CD244: variants seen among roughly 807,000 people sequenced by gnomAD.
The protein encoded by CD244 is natural killer cell receptor 2B4.
In CD244, 20 loss-of-function variants were observed where a neutral mutation model predicts 45.5. That is an observed-to-expected ratio of 0.44 (90% CI 0.31 to 0.64). CD244 has a LOEUF of 0.64. Ranked by LOEUF, CD244 falls within the 30% of genes least tolerant of loss-of-function variation. The pLI is 0.08. For synonymous variants in CD244, 185 were observed against 160.5 expected, an observed-to-expected ratio of 1.15 and a Z score of -1.15; for missense variants, 407 against 426.9, an observed-to-expected ratio of 0.95 and a Z score of 0.41.
chr1:160,851,036 G>A (rs1222022188), intron 1 of CD244, among the ~76,000 whole-genome samples: 2 of 152,216 alleles, frequency 1.3e-5, no homozygotes, highest in Non-Finnish European at 2.9e-5. Flanking sequence ...AGATGCATAG[G>A]ACAAGGTGTA....
chr1:160,836,071 A>G, intron 6 of CD244, 124 bp downstream of exon 6: 1 of 741,174 alleles, frequency 1.3e-6, no homozygotes, highest in Non-Finnish European at 2.4e-6. Context: ...ACTGAAGCCA[A>G]GCTATCTTCT....
In CD244 at chr1:160,838,603, A is replaced by G. The variant is rs181657959; in HGVS notation, c.767-85T>C. 103 of 932,392 alleles carry G rather than the reference A, an allele frequency of 1.1e-4. 1 individual carries two copies. The African/African-American group carries it at 1.6e-3, about 14-fold the overall frequency. The allele number at this position is 932,392 out of a possible 1,614,324, so 57.8% of individuals were successfully genotyped here. A position where few individuals can be genotyped will look rare whatever the true frequency, so the allele number is the denominator to read the frequency against. ...CTAACAGGTCCCACCTCTACCCCAA[A>G]TGGCCAAACCTTAAAAAAGGTTCTA... On this transcript the variant is annotated intron_variant, in intron 4 of 8. Coordinates refer to ENST00000368034, the MANE Select transcript of CD244 (RefSeq NM_016382.4).
At chr1:160,835,762 A>G (rs1669310922) in intron 6 of CD244, among the ~76,000 whole-genome samples, 1 of 152,186 alleles carries the variant, frequency 6.6e-6, no homozygotes, top group Non-Finnish European at 1.5e-5. Context: ...AGAAAAGAAA[A>G]TGGACATTAT....
intron 1 of CD244, among the ~76,000 whole-genome samples, chr1:160,858,928 G>T (rs1429464582): frequency 6.6e-6 from 1 of 152,188 alleles, no homozygotes; most frequent in Non-Finnish European, 1.5e-5. Flanking sequence ...GGAGACAACG[G>T]TGAGCAAAAC....
Position 160,862,610 on chromosome 1 carries a change from T to C in CD244, c.61+7A>G, listed in dbSNP as rs1210358554. 3 of 1,613,338 alleles carry C rather than the reference T, an allele frequency of 1.9e-6. No individual in the cohort carries two copies. Among genetic ancestry groups the C allele is most frequent in the Non-Finnish European group, 2.5e-6 (3 of 1,179,366 alleles). On this transcript the variant is annotated splice_region_variant and intron_variant, in intron 1 of 8. Transcript: ENST00000368034. ...CCCTCGCCCCACGCCAGGTAGGACC[T>C]CCTTACCTTTGCCCTGATACACCTT...
At chr1:160,839,924 C>T (rs1192681521) in intron 3 of CD244, among the ~76,000 whole-genome samples, 3 of 152,190 alleles carry the variant, frequency 2.0e-5, no homozygotes, top group African/African-American at 7.2e-5. Context: ...TTGTGTCACA[C>T]ATGTAGCCTG....
At chr1:160,858,783 G>C (rs1417256608) in intron 1 of CD244, among the ~76,000 whole-genome samples, 2 of 152,320 alleles carry the variant, frequency 1.3e-5, no homozygotes, top group African/African-American at 2.4e-5. Flanking sequence ...ACTTGCCACT[G>C]AATCCTCAAT....
chr1:160,836,966 G>T (rs1237221816), intron 5 of CD244, among the ~76,000 whole-genome samples: 1 of 152,184 alleles, frequency 6.6e-6, no homozygotes, highest in Non-Finnish European at 1.5e-5. Context: ...TTAGAGGCTG[G>T]GGAGTCATGG....
chr1:160,836,133 A>AG, intron 6 of CD244, 62 bp downstream of exon 6: 2 of 1,232,778 alleles, frequency 1.6e-6, no homozygotes, highest in Admixed American at 1.7e-5. Context: ...TGTGAGTTTC[A>AG]GGGGGGCATT....
In CD244 at chr1:160,839,050, C is replaced by A; in HGVS notation, c.656-1G>T. ...ACCAAAAACGGCCAAAATCTGAATT[C>A]TGAGGAATACAGAAGGCGTGAGAAC... On this transcript the variant is annotated splice_acceptor_variant, in intron 3 of 8. Transcript: ENST00000368034. LOFTEE classifies it high-confidence loss of function. The A allele has an allele frequency of 6.2e-7, 1 of 1,608,946 alleles. No homozygotes were observed. Among genetic ancestry groups the A allele is most frequent in the Non-Finnish European group, 8.5e-7 (1 of 1,175,704 alleles).
At chr1:160,834,150 C>A (rs372059836) in intron 6 of CD244, 34 bp from the exon 7 acceptor site, 2 of 1,439,148 alleles carry the variant, frequency 1.4e-6, no homozygotes, top group East Asian at 2.3e-5. Context: ...ATTTCAGAAG[C>A]ACAGATCCAG....
chr1:160,856,426 C>G (rs925621035), intron 1 of CD244, among the ~76,000 whole-genome samples: 4 of 152,150 alleles, frequency 2.6e-5, no homozygotes, highest in African/African-American at 9.7e-5. Flanking sequence ...GTTTCCCATC[C>G]AAACCCCATG....
At chr1:160,851,613 C>CTTCT in intron 1 of CD244, among the ~76,000 whole-genome samples, 1 of 152,274 alleles carries the variant, frequency 6.6e-6, no homozygotes, top group East Asian at 1.9e-4. Context: ...AAGAGAATAT[C>CTTCT]TTCTACATCT....
At chr1:160,838,874 G>A (rs556391446) in intron 4 of CD244, 65 bp downstream of exon 4, 75 of 1,058,662 alleles carry the variant, frequency 7.1e-5, no homozygotes, top group Middle Eastern at 6.6e-4. Context: ...CCCACTGGAC[G>A]CAGGACAAAG....
chr1:160,853,782 TAAAAAAAAAAA>T (rs5778184), intron 1 of CD244, among the ~76,000 whole-genome samples: 11 of 94,714 alleles, frequency 1.2e-4, no homozygotes, highest in Admixed American at 2.3e-4. Context: ...AGACCCTGCC[TAAAAAAAAAAA>T]AAAAAAAAAA....
intron 1 of CD244, among the ~76,000 whole-genome samples, chr1:160,861,139 G>A (rs1211459592): frequency 6.6e-6 from 1 of 152,168 alleles, no homozygotes. Context: ...TGTCTGAGCT[G>A]CATTCAAGGA....
chr1:160,858,620 G>A (rs180805548), intron 1 of CD244, among the ~76,000 whole-genome samples: 5 of 152,274 alleles, frequency 3.3e-5, no homozygotes, highest in East Asian at 3.9e-4. Context: ...CAGGCTGCCC[G>A]TTAAGATGCC....
At chr1:160,858,105 C>T (rs1670174940) in intron 1 of CD244, among the ~76,000 whole-genome samples, 2 of 151,636 alleles carry the variant, frequency 1.3e-5, no homozygotes, top group African/African-American at 4.8e-5. Context: ...ACAAGACATG[C>T]CCTGTCTCTC....
chr1:160,862,571 A>C (rs2101901265), intron 1 of CD244, 46 bp downstream of exon 1: 2 of 1,561,570 alleles, frequency 1.3e-6, no homozygotes, highest in Non-Finnish European at 1.8e-6. Flanking sequence ...TGAGGGGCAC[A>C]GCTCCTAGTC....
Sources: allele counts gnomAD v4.1 joint callset (sites outside exome capture counted in the v4.1 genomes callset), GRCh38; gene constraint gnomAD v4.1.1; transcripts MANE v1.5; gene names NCBI Gene and HGNC (gene_info 2026-07-23, HGNC 2026-07-21).